PPP2R2C: variants seen among roughly 807,000 people sequenced by gnomAD.
PPP2R2C encodes protein phosphatase 2 regulatory subunit Bgamma.
In PPP2R2C, 10 loss-of-function variants were observed where a neutral mutation model predicts 45.3. The ratio of observed to expected loss-of-function variants is 0.22; its 90% CI spans 0.14 to 0.37. The LOEUF is 0.37. Among genes scored for constraint, PPP2R2C ranks in the 10% least tolerant of loss-of-function variants. The pLI, the probability that PPP2R2C is intolerant of heterozygous loss-of-function variation, is 1.00. For synonymous variants in PPP2R2C, 257 were observed against 245.4 expected (o/e 1.05, Z -0.44); for missense variants, 308 against 619.7 (o/e 0.50, Z 5.34).
chr4:6,376,323 A>C (rs1000590278), intron 3 of PPP2R2C, among the ~76,000 whole-genome samples: 4 of 152,200 alleles, frequency 2.6e-5, no homozygotes, highest in African/African-American at 9.7e-5. Flanking sequence ...AAAGGTACCC[A>C]AGGCCCTGCC....
chr4:6,382,825 A>G, intron 1 of PPP2R2C: 1 of 1,061,754 alleles, frequency 9.4e-7, no homozygotes, highest in South Asian at 1.8e-5. Flanking sequence ...GCTATGACGT[A>G]GCCTCAACAG....
rs1405875707 is a variant in PPP2R2C, at chr4:6,331,405, A to G, written c.961-2052T>C. On this transcript the variant is annotated intron_variant, in intron 7 of 8. Transcript: ENST00000382599. This position sits in a 1 kb window ranked among gnomAD's most constrained non-coding sequence, Gnocchi z 5.9. ...AGGCTTAGATGAGGCAAAGCATATT[A>G]TGGACTTACCTCAGTGTGGCTCATT... 1.3e-5 allele frequency among the ~76,000 whole-genome samples: 2 copies of G among 151,764 alleles called. No homozygotes were observed. Among genetic ancestry groups the G allele is most frequent in the African/African-American group, 4.8e-5 (2 of 41,280 alleles).
At chr4:6,529,437 G>A (rs1185311211) in intron 2 of PPP2R2C, among the ~76,000 whole-genome samples, 2 of 152,254 alleles carry the variant, frequency 1.3e-5, no homozygotes, top group African/African-American at 2.4e-5. Context: ...GAGCCAAGCT[G>A]CATGGGCCCC....
At chr4:6,352,178 G>A (rs1265819733) in intron 5 of PPP2R2C, among the ~76,000 whole-genome samples, 1 of 152,190 alleles carries the variant, frequency 6.6e-6, no homozygotes, top group Non-Finnish European at 1.5e-5. Context: ...GGCAGGACCA[G>A]CACCAGGTCA....
At chr4:6,534,366 A>G (rs11731075) in intron 2 of PPP2R2C, among the ~76,000 whole-genome samples, 42,505 of 150,366 alleles carry the variant, frequency 0.28, 7,376 homozygotes, top group East Asian at 0.61. Context: ...CAATACGTAC[A>G]CTAACACACA....
intron 5 of PPP2R2C, among the ~76,000 whole-genome samples, chr4:6,371,156 AC>A (rs1714796975): frequency 6.6e-6 from 1 of 152,178 alleles, no homozygotes; most frequent in Non-Finnish European, 1.5e-5. Context: ...GAGTGTACTC[AC>A]CCAGGGTCAC....
chr4:6,357,928 C>T (rs569845518), intron 5 of PPP2R2C, among the ~76,000 whole-genome samples: 8 of 152,200 alleles, frequency 5.3e-5, no homozygotes, highest in African/African-American at 1.9e-4. Flanking sequence ...TTTATAGAAA[C>T]TCCTTCATCT....
At position 6,538,281 on chromosome 4, in the gene PPP2R2C, C is replaced by T. The variant is rs78426724; in HGVS notation, c.-58-2904G>A. On this transcript the variant is annotated intron_variant, in intron 1 of 9. Coordinates refer to the PPP2R2C transcript ENST00000506140. ...AGATTTGGGAATCAAACCCAGATTC[C>T]CCTCTTCCTGGCTCTTTACCCCACC... 4.0e-3 allele frequency among the ~76,000 whole-genome samples: 608 copies of T among 152,212 alleles called. 2 individuals carry two copies. Among genetic ancestry groups the T allele is most frequent in the South Asian group, 9.3e-3 (45 of 4,818 alleles).
Position 6,451,205 on chromosome 4 carries a change from C to A in PPP2R2C, c.70+20955G>T, listed in dbSNP as rs112649257. Among the ~76,000 whole-genome samples, 697 of 152,266 alleles carry A rather than the reference C, an allele frequency of 4.6e-3. 7 individuals are homozygous for A. The highest frequency in any genetic ancestry group is 0.016 in the African/African-American group (651 of 41,534). On this transcript the variant is annotated intron_variant, in intron 1 of 8. Coordinates refer to ENST00000382599, the MANE Select transcript of PPP2R2C (RefSeq NM_020416.4). Reference sequence around the variant, plus strand: ...ACACAGACCTTGTCAATCGTACCCACAGCCACATCCCCCAGTCCCAGCAAA... The same window carrying A: ...ACACAGACCTTGTCAATCGTACCCAAAGCCACATCCCCCAGTCCCAGCAAA...
intron 2 of PPP2R2C, among the ~76,000 whole-genome samples, chr4:6,480,114 A>G (rs1722299311): frequency 6.6e-6 from 1 of 152,112 alleles, no homozygotes; most frequent in Non-Finnish European, 1.5e-5. Flanking sequence ...TTCCAGAGGC[A>G]AACACTATCC....
At chr4:6,425,506 C>G (rs1719236423) in intron 1 of PPP2R2C, among the ~76,000 whole-genome samples, 1 of 152,236 alleles carries the variant, frequency 6.6e-6, no homozygotes, top group South Asian at 2.1e-4. Flanking sequence ...AGCACGAGCT[C>G]AGAATCAGCC....
At chr4:6,457,800 T>C (rs1395338437) in intron 1 of PPP2R2C, among the ~76,000 whole-genome samples, 4 of 152,254 alleles carry the variant, frequency 2.6e-5, no homozygotes, top group African/African-American at 9.6e-5. Context: ...GTTTGCACAG[T>C]GCTCGCTACT....
At chr4:6,535,089 G>A (rs1398632119) in intron 2 of PPP2R2C, among the ~76,000 whole-genome samples, 2 of 152,234 alleles carry the variant, frequency 1.3e-5, no homozygotes, top group Non-Finnish European at 2.9e-5. Context: ...TGGGGCCAGG[G>A]CCCAGGCGGC....
At chr4:6,427,527 T>C (rs1719393807) in intron 1 of PPP2R2C, among the ~76,000 whole-genome samples, 1 of 152,184 alleles carries the variant, frequency 6.6e-6, no homozygotes, top group Non-Finnish European at 1.5e-5. Context: ...GGGCTTCACA[T>C]AGGCTGGACC....
chr4:6,359,783 C>T (rs138495520), intron 5 of PPP2R2C, among the ~76,000 whole-genome samples: 3 of 151,816 alleles, frequency 2.0e-5, no homozygotes, highest in East Asian at 3.9e-4. Flanking sequence ...CACCAGTCTG[C>T]CCCCCGGTCG....
At chr4:6,437,093 C>T (rs1048933094) in intron 1 of PPP2R2C, among the ~76,000 whole-genome samples, 2 of 152,198 alleles carry the variant, frequency 1.3e-5, no homozygotes, top group Non-Finnish European at 2.9e-5. Flanking sequence ...CGCCACAGTC[C>T]CCACCACTCC....
chr4:6,340,264 C>T (rs1190876016), intron 6 of PPP2R2C, among the ~76,000 whole-genome samples: 3 of 152,168 alleles, frequency 2.0e-5, no homozygotes, highest in Non-Finnish European at 4.4e-5. Context: ...TCCAGCCACA[C>T]GGGTCCTGAC....
chr4:6,449,438 TTAA>T, intron 1 of PPP2R2C, among the ~76,000 whole-genome samples: 1 of 152,290 alleles, frequency 6.6e-6, no homozygotes, highest in East Asian at 1.9e-4. Flanking sequence ...ACTTTAATTT[TTAA>T]TAATAAAATG....
chr4:6,408,873 CTTTTTT>C (rs57209185), intron 1 of PPP2R2C, among the ~76,000 whole-genome samples: 1 of 126,758 alleles, frequency 7.9e-6, no homozygotes, highest in Non-Finnish European at 1.7e-5. Flanking sequence ...GATCCTGTGG[CTTTTTT>C]TTTTTTTTTT....
Sources: allele counts gnomAD v4.1 joint callset (sites outside exome capture counted in the v4.1 genomes callset), GRCh38; gene constraint gnomAD v4.1.1; non-coding constraint Gnocchi (gnomAD v3.1); transcripts MANE v1.5; gene names NCBI Gene and HGNC (gene_info 2026-07-23, HGNC 2026-07-21).